The following NLGN1 variants were observed in gnomAD, a reference collection of about 807,000 sequenced individuals.
The protein encoded by NLGN1 is neuroligin 1.
NLGN1 carries 12 observed loss-of-function variants against 65.5 expected under a neutral mutation model. The ratio of observed to expected loss-of-function variants is 0.18; its 90% CI spans 0.12 to 0.30. The LOEUF (loss-of-function observed/expected upper bound fraction) is 0.30, where lower values mean the gene tolerates loss of function less well. NLGN1 is among the 10% of genes least tolerant of loss of function. The pLI is 1.00. For missense variants in NLGN1, 750 were observed against 1,007.1 expected (o/e 0.74, Z 3.46); for synonymous variants, 350 against 359.5 (o/e 0.97, Z 0.30).
At position 173,474,914 on chromosome 3, in the gene NLGN1, C is replaced by T. The variant is rs372655237; in HGVS notation, c.-321+39836C>T. Among the ~76,000 whole-genome samples, 8 of 151,780 alleles carry T rather than the reference C, an allele frequency of 5.3e-5. No homozygotes were observed. In the East Asian group the frequency reaches 7.7e-4, roughly 15 times the overall value. On this transcript the variant is annotated intron_variant, in intron 2 of 6. Coordinates refer to ENST00000457714, the Ensembl canonical transcript of NLGN1. ...CAGAGGTTGCAGTGAGTGGAGATCC[C>T]GCCACTGCACTCCAGCCTGGGCAAC...
At chr3:174,085,482 C>T (rs982480192) in intron 4 of NLGN1, among the ~76,000 whole-genome samples, 2 of 151,976 alleles carry the variant, frequency 1.3e-5, no homozygotes, top group Admixed American at 1.3e-4. Context: ...ACATTTTCTC[C>T]TTTCCTGGTA....
At chr3:173,726,919 A>G (rs561694772) in intron 3 of NLGN1, among the ~76,000 whole-genome samples, 6 of 138,364 alleles carry the variant, frequency 4.3e-5, no homozygotes, top group South Asian at 5.1e-4. Flanking sequence ...GCAACTTGCG[A>G]TTCACTTTCC....
chr3:174,010,261 G>T (rs1254541523), intron 4 of NLGN1, among the ~76,000 whole-genome samples: 1 of 152,144 alleles, frequency 6.6e-6, no homozygotes, highest in African/African-American at 2.4e-5. Flanking sequence ...TTAGCCATTT[G>T]CTCCCTTAAA....
intron 3 of NLGN1, among the ~76,000 whole-genome samples, chr3:173,664,850 T>G (rs763060045): frequency 5.9e-5 from 9 of 152,142 alleles, no homozygotes; most frequent in Non-Finnish European, 8.8e-5. Context: ...ATCACACTGC[T>G]TACATTATTT....
intron 4 of NLGN1, among the ~76,000 whole-genome samples, chr3:174,083,842 A>T (rs1484978563): frequency 6.6e-6 from 1 of 152,146 alleles, no homozygotes; most frequent in African/African-American, 2.4e-5. Flanking sequence ...CTCTCTGACA[A>T]GAGTGAAAAA....
intron 1 of NLGN1, among the ~76,000 whole-genome samples, chr3:173,423,295 G>C (rs1260553804): frequency 1.3e-5 from 2 of 152,078 alleles, no homozygotes; most frequent in East Asian, 3.9e-4. Context: ...TTCTGCCCTT[G>C]GCTCCTCCCA....
intron 4 of NLGN1, among the ~76,000 whole-genome samples, chr3:174,160,804 T>G (rs1187997852): frequency 6.6e-6 from 1 of 151,630 alleles, no homozygotes; most frequent in Non-Finnish European, 1.5e-5. Flanking sequence ...TTTAATTATT[T>G]TAAATTGTCC....
At chr3:173,975,417 T>A (rs1471353876) in intron 4 of NLGN1, among the ~76,000 whole-genome samples, 2 of 151,936 alleles carry the variant, frequency 1.3e-5, no homozygotes, top group African/African-American at 2.4e-5. Flanking sequence ...AATTATTATA[T>A]CAGAAAAAGT....
chr3:173,398,177 A>G (rs1716969151), upstream of NLGN1: 1 of 152,268 alleles, frequency 6.6e-6, no homozygotes, highest in African/African-American at 2.4e-5. Flanking sequence ...CCCTTGCCTG[A>G]ACCCTCGGCG....
intron 3 of NLGN1, chr3:173,800,261 T>G: frequency 2.3e-6 from 2 of 867,244 alleles, no homozygotes; most frequent in Non-Finnish European, 3.1e-6. Flanking sequence ...GTCTTTTTTT[T>G]TTTTCCTCCA....
chr3:174,262,814 G>A (rs1285982547), intron 4 of NLGN1, among the ~76,000 whole-genome samples: 1 of 82,516 alleles, frequency 1.2e-5, no homozygotes, highest in African/African-American at 5.0e-5. Flanking sequence ...TTTCTCTTGT[G>A]GGCATTTAGT....
intron 4 of NLGN1, among the ~76,000 whole-genome samples, chr3:174,269,549 T>A (rs141646196): frequency 6.1e-4 from 93 of 152,132 alleles, no homozygotes; most frequent in African/African-American, 2.0e-3. Context: ...TATTCCATCA[T>A]ATGTATATTT....
chr3:174,074,242 A>G (rs1445170367), intron 4 of NLGN1, among the ~76,000 whole-genome samples: 1 of 152,172 alleles, frequency 6.6e-6, no homozygotes, highest in Non-Finnish European at 1.5e-5. Context: ...TACCTAGGAA[A>G]ATTAAGAGAA....
chr3:174,239,150 C>T (rs1742326071), intron 4 of NLGN1, among the ~76,000 whole-genome samples: 1 of 151,922 alleles, frequency 6.6e-6, no homozygotes, highest in Non-Finnish European at 1.5e-5. Flanking sequence ...CTCACTGCAA[C>T]CTCCGCCTCC....
At position 173,912,078 on chromosome 3, in the gene NLGN1, C is replaced by A. The variant is rs770599077; in HGVS notation, c.646+104246C>A. Among the ~76,000 whole-genome samples, 5 of 152,144 alleles carry A rather than the reference C, an allele frequency of 3.3e-5. 1 individual carries two copies. The highest frequency in any genetic ancestry group is 2.6e-4 in the Admixed American group (4 of 15,268). On this transcript the variant is annotated intron_variant, in intron 4 of 6. Transcript: ENST00000457714. Reference sequence around the variant, plus strand: ...TGAAATATAAGCCAGTAACTAAATTCTCCTGCATATAATTTTTTCAAATGC... The same window carrying A: ...TGAAATATAAGCCAGTAACTAAATTATCCTGCATATAATTTTTTCAAATGC...
At position 173,494,149 on chromosome 3, in the gene NLGN1, G is replaced by GCA. The variant is rs71162349; in HGVS notation, c.-321+59072_-321+59073insAC. Among the ~76,000 whole-genome samples the GCA allele has an allele frequency of 2.0e-5, 3 of 148,912 alleles. No homozygotes were observed. In the East Asian group the frequency reaches 5.9e-4, roughly 29 times the overall value. ...TGTGTGTGTGTGTGTGTGTGTGTGT[G>GCA]CGCGTGCATGTGCGGGGAGTGGTGG... On this transcript the variant is annotated intron_variant, in intron 2 of 6. Transcript: ENST00000457714.
chr3:173,681,771 C>T (rs1420610283), intron 3 of NLGN1, among the ~76,000 whole-genome samples: 1 of 152,118 alleles, frequency 6.6e-6, no homozygotes, highest in African/African-American at 2.4e-5. Context: ...GACAGTAACC[C>T]CCCTCACAGG....
intron 2 of NLGN1, among the ~76,000 whole-genome samples, chr3:173,436,738 A>G (rs1246759175): frequency 1.3e-5 from 2 of 152,194 alleles, no homozygotes; most frequent in Admixed American, 1.3e-4. Context: ...CAATGGTAGG[A>G]GAACAGAGTG....
chr3:173,758,469 G>A (rs1560310771), intron 3 of NLGN1, among the ~76,000 whole-genome samples: 1 of 151,940 alleles, frequency 6.6e-6, no homozygotes, highest in Admixed American at 6.6e-5. Context: ...TCTTTTTACT[G>A]CTTTTAACTC....
Sources: gnomAD v4.1 joint callset for allele counts (sites outside exome capture counted in the v4.1 genomes callset) on GRCh38, gnomAD v4.1.1 for gene constraint, MANE v1.5 for transcripts, NCBI Gene and HGNC (gene_info 2026-07-23, HGNC 2026-07-21) for gene names.